The following KRT28 variants were observed in gnomAD, a reference collection of about 807,000 sequenced individuals.
The protein encoded by KRT28 is keratin, type I cytoskeletal 28.
Under a neutral mutation model 48.1 loss-of-function variants are expected in KRT28, and 45 were observed. The observed-to-expected ratio is 0.94, with a 90% CI of 0.74 to 1.20. KRT28 has a LOEUF of 1.20. Among genes scored for constraint, KRT28 ranks in the 50% most tolerant of loss-of-function variants. The pLI is 0.00. For synonymous variants in KRT28, 228 were observed against 227.4 expected, an observed-to-expected ratio of 1.00 and a Z score of -0.03; for missense variants, 571 against 574.1, an observed-to-expected ratio of 0.99 and a Z score of 0.06.
rs1904554925 is a variant in KRT28, at chr17:40,794,055, A to G, written c.979-9T>C. On this transcript the variant is annotated splice_polypyrimidine_tract_variant and intron_variant, in intron 5 of 7. Coordinates refer to ENST00000306658, the MANE Select transcript of KRT28 (RefSeq NM_181535.3). ...CACTCCAGGGAGTGTTTCTGAGGAC[A>G]TCAAAGAAGCCGTGGCAAGGGATGA... 1 of 1,613,534 alleles carries G rather than the reference A, an allele frequency of 6.2e-7. No individual in the cohort carries two copies. Among genetic ancestry groups the G allele is most frequent in the South Asian group, 1.1e-5 (1 of 91,068 alleles).
intron 5 of KRT28, among the ~76,000 whole-genome samples, chr17:40,795,424 G>C (rs1275006163): frequency 6.6e-6 from 1 of 152,158 alleles, no homozygotes; most frequent in African/African-American, 2.4e-5. Context: ...GTGAAGGCTG[G>C]CTTGTCAAAG....
Position 40,792,537 on chromosome 17 carries a change from C to A in KRT28, c.1285G>T (p.Val429Phe). Reference sequence around the variant, plus strand: ...TTACCACGTTGATCTAGCTCTTCAACCACTGTCTTTACCAGTGTGGTTTTG... The same window carrying A: ...TTACCACGTTGATCTAGCTCTTCAAACACTGTCTTTACCAGTGTGGTTTTG... ...LSKTTLVKTV[V>F]EELDQRGKVL... Residue 429 changes from valine (V) to phenylalanine (F), a missense_variant, in exon 8 of 8, where the codon GTT (valine) becomes TTT (phenylalanine). Physicochemically the swap from Val to Phe is conservative, Grantham distance 50 (BLOSUM62 -1). Transcript: ENST00000306658. 1.2e-6 allele frequency: 2 copies of A among 1,612,974 alleles called. No individual in the cohort carries two copies. The highest frequency in any genetic ancestry group is 1.7e-4 in the Middle Eastern group (1 of 6,056).
chr17:40,794,391 T>G (rs2143069391), intron 5 of KRT28, among the ~76,000 whole-genome samples: 1 of 152,364 alleles, frequency 6.6e-6, no homozygotes, highest in East Asian at 1.9e-4. Flanking sequence ...AAACTTGTAT[T>G]TTGAAATTAT....
rs757419781 is a variant in KRT28, at chr17:40,794,052, G to C, written c.979-6C>G. 6.8e-6 allele frequency: 11 copies of C among 1,613,762 alleles called. No individual in the cohort carries two copies. The South Asian group carries it at 1.1e-4, about 16-fold the overall frequency. On this transcript the variant is annotated splice_polypyrimidine_tract_variant and splice_region_variant and intron_variant, in intron 5 of 7. Transcript: ENST00000306658. Reference sequence around the variant, plus strand: ...GAGCACTCCAGGGAGTGTTTCTGAGGACATCAAAGAAGCCGTGGCAAGGGA... The same window carrying C: ...GAGCACTCCAGGGAGTGTTTCTGAGCACATCAAAGAAGCCGTGGCAAGGGA...
chr17:40,796,167 C>T (rs1567690610), intron 5 of KRT28, among the ~76,000 whole-genome samples: 1 of 152,224 alleles, frequency 6.6e-6, no homozygotes, highest in African/African-American at 2.4e-5. Flanking sequence ...AACCTGGTGT[C>T]CTCAGGAGGC....
rs776550651 is a variant in KRT28 at position 40,799,788 on chromosome 17, A to G, written c.106T>C (p.Cys36Arg). ...GGAGFAGSSA[C>R]GGSVAGSEFS... Reference sequence around the variant, plus strand: ...TCACTTCCAGCAACAGAGCCACCACATGCACTGCTGCCTGCAAAGCCTGCA... The same window carrying G: ...TCACTTCCAGCAACAGAGCCACCACGTGCACTGCTGCCTGCAAAGCCTGCA... The change falls in exon 1 of 8, where the codon TGT becomes CGT. Residue 36 changes from cysteine to arginine, a missense_variant. Transcript: ENST00000306658. The G allele has an allele frequency of 6.2e-6, 10 of 1,613,820 alleles. No homozygotes were observed. In the East Asian group the frequency reaches 1.8e-4, roughly 29 times the overall value.
Position 40,797,149 on chromosome 17 carries a change from T to G in KRT28, c.823A>C (p.Lys275Gln). The change falls in exon 4 of 8, where the codon AAG becomes CAG. Residue 275 changes from lysine to glutamine, a missense_variant. Coordinates refer to ENST00000306658, the MANE Select transcript of KRT28 (RefSeq NM_181535.3). ...EYEALAEQNR[K>Q]DAEAWFNEKS... ...TCATTGAACCAGGCCTCCGCGTCCT[T>G]GCGGTTCTGCTCTGCAAGGGCTTCG... 3 of 1,614,090 alleles carry G rather than the reference T, an allele frequency of 1.9e-6. No individual in the cohort carries two copies. Among genetic ancestry groups the G allele is most frequent in the Non-Finnish European group, 2.5e-6 (3 of 1,180,018 alleles).
In KRT28 at chr17:40,792,276, ACACT is replaced by A. The variant is rs1028847072; in HGVS notation, c.*147_*150del. 21 of 515,408 alleles carry A rather than the reference ACACT, an allele frequency of 4.1e-5. No homozygotes were observed. In the Admixed American group the frequency reaches 4.4e-4, roughly 11 times the overall value. 31.9% of individuals were successfully genotyped at this position (515,408 alleles called of 1,614,324 possible). On this transcript the variant is annotated 3_prime_UTR_variant, in exon 8 of 8. Coordinates refer to ENST00000306658, the MANE Select transcript of KRT28 (RefSeq NM_181535.3). ...CAACTTTTTTATTTATTGGAAACAA[ACACT>A]CAATATCCTGTAAAACTAAGAAAAC...
At position 40,797,220 on chromosome 17, in the gene KRT28, G is replaced by C. The variant is rs760676926; in HGVS notation, c.752C>G (p.Pro251Arg). The stretch of plus-strand genomic sequence containing the variant: ...CAACAAAACCGCGAGGTCTACCCCC[G>C]GGGCCGCGTTCATCTCCACGTTCAC... ...GNVNVEMNAA[P>R]GVDLAVLLNN... Residue 251 changes from proline (P) to arginine (R), a missense_variant, in exon 4 of 8, where the codon CCG becomes CGG. Coordinates refer to ENST00000306658, the MANE Select transcript of KRT28 (RefSeq NM_181535.3). 2 of 1,614,010 alleles carry C rather than the reference G, an allele frequency of 1.2e-6. No homozygotes were observed. The highest frequency in any genetic ancestry group is 1.7e-6 in the Non-Finnish European group (2 of 1,180,028).
At chr17:40,799,069 GA>G in intron 1 of KRT28, 70 bp from the exon 2 acceptor site, 7 of 980,260 alleles carry the variant, frequency 7.1e-6, no homozygotes, top group South Asian at 3.6e-5. Context: ...TTCAGGAAAT[GA>G]AAAAGGTTAC....
rs1056595543 is a variant in KRT28 at position 40,798,117 on chromosome 17, T to C, written c.690+118A>G. ...GTATTATTAGACTAATCTGTCTGTA[T>C]CCGTTGGCAAATTATAACAATGAAC... On this transcript the variant is annotated intron_variant, in intron 3 of 7. Coordinates refer to ENST00000306658, the MANE Select transcript of KRT28 (RefSeq NM_181535.3). The C allele has an allele frequency of 1.9e-5, 18 of 952,952 alleles. No homozygotes were observed. In the Admixed American group the frequency reaches 4.0e-4, roughly 21 times the overall value. The allele number at this position is 952,952 out of a possible 1,614,324, so 59.0% of individuals were successfully genotyped here.
chr17:40,796,852 G>A (rs1485684987), intron 5 of KRT28, 64 bp downstream of exon 5: 4 of 1,514,150 alleles, frequency 2.6e-6, no homozygotes, highest in South Asian at 2.6e-5. Context: ...GAAGGGCAGA[G>A]GGAAGTGTTT....
At chr17:40,797,802 T>C (rs1284501479) in intron 3 of KRT28, among the ~76,000 whole-genome samples, 1 of 152,118 alleles carries the variant, frequency 6.6e-6, no homozygotes, top group African/African-American at 2.4e-5. Flanking sequence ...TAATTAAAAT[T>C]ACCACCACCA....
chr17:40,797,761 A>G (rs1904650591), intron 3 of KRT28, among the ~76,000 whole-genome samples: 1 of 152,190 alleles, frequency 6.6e-6, no homozygotes, highest in African/African-American at 2.4e-5. Flanking sequence ...ACAAAGCAAT[A>G]GAAAACAAAC....
chr17:40,796,630 G>A (rs1197032399), intron 5 of KRT28, among the ~76,000 whole-genome samples: 3 of 152,106 alleles, frequency 2.0e-5, no homozygotes, highest in Non-Finnish European at 4.4e-5. Context: ...TTTGTTTTGC[G>A]GACCTAAGCT....
At chr17:40,797,977 A>G (rs566778155) in intron 3 of KRT28, among the ~76,000 whole-genome samples, 34 of 152,306 alleles carry the variant, frequency 2.2e-4, no homozygotes, top group Non-Finnish European at 4.6e-4. Flanking sequence ...ATAGGCATTC[A>G]TCCTAGGGAT....
At chr17:40,798,781 T>G in intron 2 of KRT28, 136 bp downstream of exon 2, 1 of 633,424 alleles carries the variant, frequency 1.6e-6, no homozygotes, top group South Asian at 2.1e-5. Context: ...GATTGTAACA[T>G]TATAATACAA....
intron 5 of KRT28, among the ~76,000 whole-genome samples, 187 bp from the exon 6 acceptor site, chr17:40,794,233 G>A (rs1484242697): frequency 6.6e-6 from 1 of 152,162 alleles, no homozygotes; most frequent in Non-Finnish European, 1.5e-5. Flanking sequence ...ATGGACGTGG[G>A]ATCCTGACCC....
intron 5 of KRT28, among the ~76,000 whole-genome samples, chr17:40,795,242 T>C (rs16966294): frequency 0.13 from 20,134 of 152,172 alleles, 1,326 homozygotes; most frequent in Non-Finnish European, 0.14. Flanking sequence ...GAGATCAGGA[T>C]GGTAATGCGG....
Sources: allele counts gnomAD v4.1 joint callset (sites outside exome capture counted in the v4.1 genomes callset), GRCh38; gene constraint gnomAD v4.1.1; transcripts MANE v1.5; gene names NCBI Gene and HGNC (gene_info 2026-07-23, HGNC 2026-07-21).